The following BAD variants were observed in gnomAD, a reference collection of about 807,000 sequenced individuals.
BAD encodes bcl2-associated agonist of cell death.
A neutral mutation model predicts 17.8 loss-of-function variants in BAD; 18 were observed. The ratio of observed to expected loss-of-function variants is 1.01; its 90% CI spans 0.70 to 1.50. BAD has a LOEUF of 1.50. Among genes scored for constraint, BAD ranks in the 40% most tolerant of loss-of-function variants. BAD has a pLI of 0.00. For missense variants in BAD, 294 were observed against 239.3 expected, an observed-to-expected ratio of 1.23 and a Z score of -1.51; for synonymous variants, 112 against 91.5, an observed-to-expected ratio of 1.22 and a Z score of -1.28.
intron 2 of BAD, among the ~76,000 whole-genome samples, chr11:64,280,919 C>T (rs922258022): frequency 6.6e-6 from 1 of 151,728 alleles, no homozygotes; most frequent in Non-Finnish European, 1.5e-5. Context: ...CTGCCTGCCT[C>T]AGCCTCCCGA....
intron 2 of BAD, among the ~76,000 whole-genome samples, chr11:64,283,567 C>T (rs1262187404): frequency 6.6e-6 from 1 of 152,224 alleles, no homozygotes; most frequent in African/African-American, 2.4e-5. Context: ...CCAGGACAGT[C>T]CTGCTGTGGG....
chr11:64,271,829 G>A (rs745310593), intron 2 of BAD, 26 bp from the exon 3 acceptor site: 5 of 1,365,416 alleles, frequency 3.7e-6, no homozygotes, highest in Admixed American at 3.3e-5. Flanking sequence ...GGGTAGGGGG[G>A]CGACGTTAAT....
intron 2 of BAD, among the ~76,000 whole-genome samples, chr11:64,283,035 T>C (rs139424379): frequency 7.9e-5 from 12 of 152,134 alleles, no homozygotes; most frequent in Admixed American, 2.0e-4. Flanking sequence ...TCCTGGGTGA[T>C]AGAGCGAGAC....
intron 3 of BAD, 169 bp from the exon 4 acceptor site, chr11:64,270,506 G>C: frequency 1.1e-6 from 1 of 878,126 alleles, no homozygotes; most frequent in Non-Finnish European, 1.7e-6. Context: ...GAGGACGCAT[G>C]GGCCCCCAGG....
chr11:64,273,354 C>G (rs1220187776), intron 2 of BAD, among the ~76,000 whole-genome samples: 1 of 152,056 alleles, frequency 6.6e-6, no homozygotes, highest in Non-Finnish European at 1.5e-5. Flanking sequence ...GCCTGGGTGG[C>G]AGAGCGAGAC....
chr11:64,270,680 A>G (rs1239134165), intron 3 of BAD: 1 of 548,468 alleles, frequency 1.8e-6, no homozygotes, highest in African/African-American at 1.9e-5. Context: ...CTGTAATCCC[A>G]GCACTTTGGG....
rs2032617457 is a variant in BAD at position 64,271,631 on chromosome 11, C to T, written c.360G>A (p.Glu120=). The T allele has an allele frequency of 6.7e-7, 1 of 1,501,380 alleles. No homozygotes were observed. Among genetic ancestry groups the T allele is most frequent in the South Asian group, 1.3e-5 (1 of 79,276 alleles). The allele number at this position is 1,501,380 out of a possible 1,614,324, so 93.0% of individuals were successfully genotyped here. Residue 120 remains glutamate, a synonymous_variant, in exon 3 of 4, where the codon GAG becomes GAA. Coordinates refer to ENST00000309032, the MANE Select transcript of BAD (RefSeq NM_032989.3). ...CGCTCACCTTAAAGGAGTCCACAAA[C>T]TCGTCACTCATCCTCCGGAGCTCGC... is the stretch of plus-strand genomic sequence containing the variant. The part of the protein sequence containing the change: ...YGRELRRMSD[E]FVDSFKKGLP...
intron 2 of BAD, among the ~76,000 whole-genome samples, chr11:64,279,274 CGAT>C (rs1481962593): frequency 6.6e-6 from 1 of 151,980 alleles, no homozygotes; most frequent in Non-Finnish European, 1.5e-5. Context: ...CCAACTCCAA[CGAT>C]GCTGCGGCTT....
intron 2 of BAD, among the ~76,000 whole-genome samples, chr11:64,280,793 A>G (rs1265150193): frequency 6.7e-6 from 1 of 148,792 alleles, no homozygotes; most frequent in East Asian, 2.0e-4. Flanking sequence ...TCAGCCTCTC[A>G]GGTAGCTGGG....
intron 2 of BAD, among the ~76,000 whole-genome samples, chr11:64,281,410 T>G (rs1452747414): frequency 6.6e-6 from 1 of 152,242 alleles, no homozygotes; most frequent in Non-Finnish European, 1.5e-5. Context: ...CCCTGGTGAC[T>G]CTCTGAATGT....
intron 2 of BAD, among the ~76,000 whole-genome samples, chr11:64,283,554 G>A (rs192288267): frequency 2.6e-5 from 4 of 152,220 alleles, no homozygotes; most frequent in African/African-American, 4.8e-5. Flanking sequence ...CCTGGCCACT[G>A]TGCCAGGACA....
In BAD at chr11:64,278,757, C is replaced by T. The variant is rs528039600; in HGVS notation, c.187+5425G>A. 2.0e-5 allele frequency among the ~76,000 whole-genome samples: 3 copies of T among 152,334 alleles called. No individual in the cohort carries two copies. In the East Asian group the frequency reaches 5.8e-4, roughly 29 times the overall value. ...TGTCACAGCACAAGGTGGCTGCAGT[C>T]CCTGCCCTGGGGACACCTCAGCCAT... On this transcript the variant is annotated intron_variant, in intron 2 of 3. Coordinates refer to ENST00000309032, the MANE Select transcript of BAD (RefSeq NM_032989.3).
intron 2 of BAD, among the ~76,000 whole-genome samples, chr11:64,283,962 C>T (rs2033659008): frequency 6.6e-6 from 1 of 152,210 alleles, no homozygotes; most frequent in African/African-American, 2.4e-5. Context: ...TTAATGTGCA[C>T]CAGCTCTGTA....
At chr11:64,277,542 A>G (rs1039235486) in intron 2 of BAD, among the ~76,000 whole-genome samples, 1 of 152,150 alleles carries the variant, frequency 6.6e-6, no homozygotes, top group African/African-American at 2.4e-5. Context: ...GGCGCAATCG[A>G]TCTTCCCACC....
intron 2 of BAD, among the ~76,000 whole-genome samples, chr11:64,272,538 G>A (rs573725070): frequency 3.9e-5 from 6 of 152,176 alleles, no homozygotes; most frequent in Admixed American, 2.0e-4. Context: ...CTACATGTCC[G>A]CATCCCCCAC....
At chr11:64,277,717 G>A (rs886483507) in intron 2 of BAD, among the ~76,000 whole-genome samples, 7 of 152,160 alleles carry the variant, frequency 4.6e-5, no homozygotes, top group African/African-American at 1.7e-4. Context: ...GGGATTACAG[G>A]TATGAAAGGC....
chr11:64,280,688 G>A (rs1016159417), intron 2 of BAD, among the ~76,000 whole-genome samples: 23 of 150,586 alleles, frequency 1.5e-4, no homozygotes, highest in Non-Finnish European at 2.7e-4. Flanking sequence ...TGTTTTTTGA[G>A]ACGGACTCTT....
At chr11:64,276,187 G>A (rs889822198) in intron 2 of BAD, among the ~76,000 whole-genome samples, 6 of 152,038 alleles carry the variant, frequency 3.9e-5, no homozygotes, top group African/African-American at 1.2e-4. Flanking sequence ...CACCAAATTC[G>A]TGGACTTAGC....
At chr11:64,283,152 A>G (rs569875020) in intron 2 of BAD, among the ~76,000 whole-genome samples, 2 of 152,316 alleles carry the variant, frequency 1.3e-5, no homozygotes, top group African/African-American at 4.8e-5. Context: ...GCGAGGGGAA[A>G]GAGGCCTCTT....
Sources: gnomAD v4.1 joint callset for allele counts (sites outside exome capture counted in the v4.1 genomes callset) on GRCh38, gnomAD v4.1.1 for gene constraint, MANE v1.5 for transcripts, NCBI Gene and HGNC (gene_info 2026-07-23, HGNC 2026-07-21) for gene names.